The following BBS9 variants were observed in gnomAD, a reference collection of about 807,000 sequenced individuals.
BBS9 encodes the protein Bardet-Biedl syndrome 9.
A neutral mutation model predicts 117.7 loss-of-function variants in BBS9; 89 were observed. The observed-to-expected ratio is 0.76, with a 90% CI of 0.64 to 0.90. The LOEUF is 0.90. BBS9 is among the 40% of genes least tolerant of loss of function. BBS9 has a pLI of 0.00. For synonymous variants in BBS9, 379 were observed against 370.9 expected (o/e 1.02, Z -0.25); for missense variants, 982 against 1,042.2 (o/e 0.94, Z 0.80).
At chr7:33,567,841 A>G (rs562679182) in intron 21 of BBS9, among the ~76,000 whole-genome samples, 1 of 152,212 alleles carries the variant, frequency 6.6e-6, no homozygotes, top group African/African-American at 2.4e-5. Context: ...ATATCTCAGG[A>G]TTAGTACTGG....
At chr7:33,477,038 T>C (rs1047590537) in intron 19 of BBS9, among the ~76,000 whole-genome samples, 4 of 152,200 alleles carry the variant, frequency 2.6e-5, no homozygotes, top group Non-Finnish European at 2.9e-5. Flanking sequence ...CTGCCCAGGT[T>C]CAAGTGGGCC....
At chr7:33,175,956 A>G (rs951500137) in intron 4 of BBS9, among the ~76,000 whole-genome samples, 1 of 152,198 alleles carries the variant, frequency 6.6e-6, no homozygotes, top group Non-Finnish European at 1.5e-5. Context: ...ACAGAAGGCA[A>G]GTTATGGGAA....
intron 7 of BBS9, among the ~76,000 whole-genome samples, chr7:33,271,539 A>G (rs533091950): frequency 6.6e-6 from 1 of 152,354 alleles, no homozygotes; most frequent in South Asian, 2.1e-4. Flanking sequence ...AGCAAATGGA[A>G]AAAAGCAGGA....
intron 19 of BBS9, among the ~76,000 whole-genome samples, chr7:33,462,713 G>T (rs1188557503): frequency 2.0e-5 from 3 of 151,986 alleles, no homozygotes; most frequent in East Asian, 1.9e-4. Flanking sequence ...ATTCTGAGTG[G>T]GTTCTTCCAA....
intron 9 of BBS9, among the ~76,000 whole-genome samples, chr7:33,282,914 A>G (rs1425805517): frequency 1.3e-5 from 2 of 152,210 alleles, no homozygotes; most frequent in Non-Finnish European, 2.9e-5. Context: ...TAAGGAAAAT[A>G]GCATACTTAT....
intron 5 of BBS9, among the ~76,000 whole-genome samples, chr7:33,187,107 C>T (rs904298029): frequency 1.3e-5 from 2 of 152,012 alleles, no homozygotes; most frequent in African/African-American, 2.4e-5. Flanking sequence ...GGTATTTTAC[C>T]TAGTTAAGAC....
chr7:33,592,072 C>T (rs1862014404), intron 21 of BBS9, among the ~76,000 whole-genome samples: 1 of 152,096 alleles, frequency 6.6e-6, no homozygotes, highest in African/African-American at 2.4e-5. Flanking sequence ...CATTCCACCA[C>T]TGGTCTACTT....
At chr7:33,534,799 G>A (rs1262751313) in intron 21 of BBS9, among the ~76,000 whole-genome samples, 2 of 152,060 alleles carry the variant, frequency 1.3e-5, no homozygotes, top group East Asian at 1.9e-4. Context: ...CAGCCCTCAG[G>A]TCTCTTAGGC....
intron 9 of BBS9, among the ~76,000 whole-genome samples, chr7:33,309,032 G>A (rs1808624364): frequency 6.6e-6 from 1 of 152,166 alleles, no homozygotes; most frequent in Non-Finnish European, 1.5e-5. Context: ...ATGAAATTTT[G>A]AGCCAATCTG....
intron 19 of BBS9, among the ~76,000 whole-genome samples, chr7:33,491,782 A>C (rs923790048): frequency 6.6e-6 from 1 of 152,248 alleles, no homozygotes; most frequent in African/African-American, 2.4e-5. Context: ...TATATACAAA[A>C]TCAATCCCAT....
chr7:33,321,115 A>C (rs1811622729), intron 9 of BBS9, among the ~76,000 whole-genome samples: 1 of 152,140 alleles, frequency 6.6e-6, no homozygotes, highest in Non-Finnish European at 1.5e-5. Context: ...TTATGCCAGT[A>C]CCATGCTGTT....
At chr7:33,586,151 A>G (rs1273041867) in intron 21 of BBS9, among the ~76,000 whole-genome samples, 1 of 152,076 alleles carries the variant, frequency 6.6e-6, no homozygotes, top group African/African-American at 2.4e-5. Flanking sequence ...TTTCTGGGAC[A>G]TAAAGGTGCA....
At chr7:33,334,695 G>T (rs1008385665) in intron 9 of BBS9, among the ~76,000 whole-genome samples, 8 of 152,266 alleles carry the variant, frequency 5.3e-5, no homozygotes, top group Admixed American at 5.2e-4. Flanking sequence ...GTAGATGGCA[G>T]AAGCAATTGA....
At chr7:33,614,842 G>T (rs1449893540) in intron 21 of BBS9, among the ~76,000 whole-genome samples, 2 of 152,010 alleles carry the variant, frequency 1.3e-5, no homozygotes, top group African/African-American at 4.8e-5. Flanking sequence ...GAAATCAAAC[G>T]ATTTTGAAAT....
rs1455498506 is a variant in BBS9 at position 33,154,686 on chromosome 7, G to A, written c.264-952G>A. Among the ~76,000 whole-genome samples the A allele has an allele frequency of 6.6e-5, 10 of 152,088 alleles. No individual in the cohort carries two copies. In the South Asian group the frequency reaches 1.7e-3, roughly 25 times the overall value. On this transcript the variant is annotated intron_variant, in intron 3 of 22. Transcript: ENST00000242067. ...TCACCATGTTGGCCAGGCTGGTCTC[G>A]AACTTCTGATCTCAGGAGATCCACC... is the stretch of plus-strand genomic sequence containing the variant.
chr7:33,338,963 G>T (rs1815956863), intron 10 of BBS9, among the ~76,000 whole-genome samples: 1 of 152,178 alleles, frequency 6.6e-6, no homozygotes, highest in African/African-American at 2.4e-5. Flanking sequence ...ATGAAAGTCT[G>T]CACTCCATTT....
chr7:33,527,032 T>TG (rs1227627212), intron 20 of BBS9, among the ~76,000 whole-genome samples: 2 of 151,442 alleles, frequency 1.3e-5, no homozygotes, highest in African/African-American at 4.8e-5. Flanking sequence ...GTGCCCCTGT[T>TG]GGGGGGTGCC....
intron 4 of BBS9, among the ~76,000 whole-genome samples, chr7:33,160,923 A>G (rs1380090780): frequency 6.6e-6 from 1 of 152,138 alleles, no homozygotes; most frequent in Non-Finnish European, 1.5e-5. Context: ...GCCCTCTTGC[A>G]TGGGAAAGCT....
intron 19 of BBS9, among the ~76,000 whole-genome samples, chr7:33,459,675 C>G (rs1839169832): frequency 6.6e-6 from 1 of 152,070 alleles, no homozygotes; most frequent in Non-Finnish European, 1.5e-5. Flanking sequence ...CCAGGTTTGT[C>G]TTATATATCT....
Sources: gnomAD v4.1 joint callset for allele counts (sites outside exome capture counted in the v4.1 genomes callset) on GRCh38, gnomAD v4.1.1 for gene constraint, MANE v1.5 for transcripts, NCBI Gene and HGNC (gene_info 2026-07-23, HGNC 2026-07-21) for gene names.